The following MERTK variants were observed in gnomAD, a reference collection of about 807,000 sequenced individuals.
The protein encoded by MERTK is tyrosine-protein kinase Mer.
In MERTK, 69 loss-of-function variants were observed where a neutral mutation model predicts 99.3. The observed-to-expected ratio is 0.70, with a 90% confidence interval of 0.57 to 0.85. The LOEUF (loss-of-function observed/expected upper bound fraction) is 0.85. MERTK is among the 40% of genes least tolerant of loss of function. The pLI, the probability that MERTK is intolerant of heterozygous loss-of-function variation, is 0.00. For synonymous variants in MERTK, 426 were observed against 467.6 expected (o/e 0.91, Z 1.15); for missense variants, 1,125 against 1,249.4 (o/e 0.90, Z 1.50).
intron 8 of MERTK, among the ~76,000 whole-genome samples, chr2:111,990,642 G>C (rs946432736): frequency 1.3e-5 from 2 of 152,182 alleles, no homozygotes; most frequent in African/African-American, 4.8e-5. Flanking sequence ...CAAAGTGTCT[G>C]GGGACCAGAA....
intron 8 of MERTK, among the ~76,000 whole-genome samples, chr2:111,992,804 C>G (rs1161421249): frequency 6.6e-6 from 1 of 151,654 alleles, no homozygotes; most frequent in Non-Finnish European, 1.5e-5. Flanking sequence ...CAGTGAATGT[C>G]TTTTCCTAAG....
chr2:111,903,230 C>A (rs1402561271), intron 1 of MERTK, among the ~76,000 whole-genome samples: 4 of 152,192 alleles, frequency 2.6e-5, no homozygotes, highest in African/African-American at 7.2e-5. Context: ...GGAACCAAGC[C>A]CCTGCATGTC....
chr2:112,007,084 C>T (rs1192154525), intron 13 of MERTK, among the ~76,000 whole-genome samples: 1 of 152,138 alleles, frequency 6.6e-6, no homozygotes, highest in Non-Finnish European at 1.5e-5. Context: ...TTTAAGTGTA[C>T]AATTCAGTGG....
intron 8 of MERTK, among the ~76,000 whole-genome samples, chr2:111,987,386 GCGATT>G (rs1371742302): frequency 6.6e-6 from 1 of 151,998 alleles, no homozygotes. Context: ...TATTTTTCTT[GCGATT>G]CCTTGCCTTC....
rs577799784 is a variant in MERTK, at chr2:111,916,457, C to A, written c.62-12663C>A. ...TTGTTTTGTTTTTAGTATACCGATT[C>A]TTTCTTTTGTTCCCCTTTCATTTTA... On this transcript the variant is annotated intron_variant, in intron 1 of 18. Transcript: ENST00000295408. Among the ~76,000 whole-genome samples the A allele has an allele frequency of 2.6e-5, 4 of 152,130 alleles. No homozygotes were observed. The South Asian group carries it at 8.3e-4, about 32-fold the overall frequency.
chr2:112,022,641 G>A (rs1677379011), intron 18 of MERTK: 2 of 734,734 alleles, frequency 2.7e-6, no homozygotes, highest in Non-Finnish European at 5.0e-6. Flanking sequence ...TCGAACGACA[G>A]GCACGGTCAA....
At position 111,990,813 on chromosome 2, in the gene MERTK, A is replaced by AT. The variant is rs576038324; in HGVS notation, c.1297-3437dup. Reference sequence around the variant, plus strand: ...AACATTTCAGATTTCAGATTTTGGGATATGGGATGCTCAAACTGTATTATA... The same window carrying AT: ...AACATTTCAGATTTCAGATTTTGGGATTATGGGATGCTCAAACTGTATTATA... On this transcript the variant is annotated intron_variant, in intron 8 of 18. Transcript: ENST00000295408. 4.9e-4 allele frequency among the ~76,000 whole-genome samples: 74 copies of AT among 152,310 alleles called. No homozygotes were observed. The Middle Eastern group carries it at 0.01, about 21-fold the overall frequency.
chr2:111,987,956 A>G (rs957571025), intron 8 of MERTK, among the ~76,000 whole-genome samples: 3 of 150,546 alleles, frequency 2.0e-5, no homozygotes, highest in African/African-American at 7.3e-5. Flanking sequence ...AGAGATTATT[A>G]TAGCCTTGAG....
intron 1 of MERTK, among the ~76,000 whole-genome samples, chr2:111,917,988 A>G (rs533235554): frequency 5.1e-4 from 77 of 152,050 alleles, no homozygotes; most frequent in Non-Finnish European, 9.6e-4. Flanking sequence ...AATGTTGTGC[A>G]GTCGTGGCCA....
At chr2:111,997,551 G>A in intron 10 of MERTK, 75 bp downstream of exon 10, 1 of 1,546,908 alleles carries the variant, frequency 6.5e-7, no homozygotes, top group South Asian at 1.1e-5. Flanking sequence ...TGCCTTTCCT[G>A]TTGGGCCAGC....
chr2:111,975,269 C>G lies in MERTK; in HGVS notation c.961-20C>G. 2 of 1,613,894 alleles carry G rather than the reference C, an allele frequency of 1.2e-6. No homozygotes were observed. Among genetic ancestry groups the G allele is most frequent in the Non-Finnish European group, 8.5e-7 (1 of 1,179,786 alleles). On this transcript the variant is annotated intron_variant, in intron 6 of 18. Transcript: ENST00000295408. The stretch of plus-strand genomic sequence containing the variant: ...CACCACCTTACTAATGCCCGGTCCT[C>G]ATGTTTACTCTTCGTTTAGGTCAAG...
At chr2:111,940,350 A>G in intron 2 of MERTK, 1 of 521,106 alleles carries the variant, frequency 1.9e-6, no homozygotes, top group South Asian at 1.5e-5. Context: ...CATCAGCAAT[A>G]ATTGCCTGAA....
At chr2:111,910,767 G>A (rs1468265621) in intron 1 of MERTK, among the ~76,000 whole-genome samples, 2 of 152,062 alleles carry the variant, frequency 1.3e-5, no homozygotes, top group Non-Finnish European at 2.9e-5. Context: ...CTCACTCATA[G>A]GTGGAAGCTA....
At chr2:111,996,636 A>C (rs1422666310) in intron 9 of MERTK, 1 of 158,332 alleles carries the variant, frequency 6.3e-6, no homozygotes. Context: ...AGCGGTCCTT[A>C]GTGAAGGTGA....
At chr2:111,901,037 C>CA (rs1684033271) in intron 1 of MERTK, among the ~76,000 whole-genome samples, 3 of 152,112 alleles carry the variant, frequency 2.0e-5, no homozygotes, top group Admixed American at 2.0e-4. Context: ...CTCTGCCCCC[C>CA]AACACACATA....
intron 16 of MERTK, among the ~76,000 whole-genome samples, chr2:112,021,050 A>G (rs1334287514): frequency 6.6e-6 from 1 of 151,086 alleles, no homozygotes; most frequent in African/African-American, 2.4e-5. Flanking sequence ...AAAAAAAAAA[A>G]TTAGCCGGCT....
intron 6 of MERTK, among the ~76,000 whole-genome samples, chr2:111,974,700 C>T (rs995205092): frequency 1.6e-5 from 2 of 124,070 alleles, no homozygotes; most frequent in East Asian, 2.7e-4. Context: ...ATCCGGGAGG[C>T]GGAGGTTGCA....
intron 4 of MERTK, among the ~76,000 whole-genome samples, chr2:111,960,747 G>T (rs1405182324): frequency 1.3e-5 from 2 of 151,996 alleles, no homozygotes; most frequent in East Asian, 3.9e-4. Context: ...GCTGGTAGAA[G>T]AGTCATGGTG....
intron 7 of MERTK, among the ~76,000 whole-genome samples, chr2:111,981,443 C>T (rs537359826): frequency 6.6e-6 from 1 of 152,182 alleles, no homozygotes; most frequent in African/African-American, 2.4e-5. Context: ...GAGACAGAGT[C>T]TCACTCTGTT....
Sources: gnomAD v4.1 joint callset for allele counts (sites outside exome capture counted in the v4.1 genomes callset) on GRCh38, gnomAD v4.1.1 for gene constraint, MANE v1.5 for transcripts, NCBI Gene and HGNC (gene_info 2026-07-23, HGNC 2026-07-21) for gene names.